Variants in MAPK10 observed in about 807,000 individuals in gnomAD.
The protein encoded by MAPK10 is JNK3 alpha protein kinase.
Under a neutral mutation model 59.3 loss-of-function variants are expected in MAPK10, and 25 were observed. The observed-to-expected ratio is 0.42, with a 90% CI of 0.31 to 0.59. The LOEUF is 0.59. MAPK10 is among the 20% of genes least tolerant of loss of function. The pLI, the probability that MAPK10 is intolerant of heterozygous loss-of-function variation, is 0.15. For synonymous variants in MAPK10, 190 were observed against 200.5 expected (o/e 0.95, Z 0.44); for missense variants, 351 against 568.9 (o/e 0.62, Z 3.90).
intron 9 of MAPK10, chr4:86,090,576 T>A (rs1200657172): frequency 6.6e-6 from 1 of 152,150 alleles, no homozygotes; most frequent in Non-Finnish European, 1.5e-5. Flanking sequence ...ATCCCTTTAT[T>A]ATTAACGTGT....
intron 2 of MAPK10, among the ~76,000 whole-genome samples, chr4:86,287,323 A>G (rs1377765360): frequency 6.6e-6 from 1 of 152,146 alleles, no homozygotes; most frequent in Non-Finnish European, 1.5e-5. Context: ...CTAAGTACAT[A>G]TTAATTATGA....
At chr4:86,232,044 T>C (rs549738584) in intron 2 of MAPK10, among the ~76,000 whole-genome samples, 2 of 152,236 alleles carry the variant, frequency 1.3e-5, no homozygotes, top group African/African-American at 4.8e-5. Flanking sequence ...AAAAGTCACA[T>C]AGTCAATATT....
upstream of MAPK10, among the ~76,000 whole-genome samples, chr4:86,360,740 C>T (rs1231892209): frequency 6.6e-6 from 1 of 151,800 alleles, no homozygotes; most frequent in African/African-American, 2.4e-5. Context: ...GGGCAAATAT[C>T]GCAATTTTAT....
At chr4:86,237,581 T>C (rs2092366059) in intron 2 of MAPK10, among the ~76,000 whole-genome samples, 2 of 152,252 alleles carry the variant, frequency 1.3e-5, no homozygotes, top group South Asian at 4.1e-4. Context: ...CATTGTGGTT[T>C]TGAAATGCAT....
chr4:86,266,339 C>A (rs2094235139), intron 2 of MAPK10, among the ~76,000 whole-genome samples: 1 of 152,154 alleles, frequency 6.6e-6, no homozygotes, highest in Admixed American at 6.5e-5. Context: ...CCTCGGCATA[C>A]AGACAGTTAT....
intron 1 of MAPK10, among the ~76,000 whole-genome samples, chr4:86,540,909 C>T (rs1165493823): frequency 6.6e-6 from 1 of 152,106 alleles, no homozygotes; most frequent in Admixed American, 6.5e-5. Context: ...TTGAGACCAG[C>T]CTGGGCAACA....
At chr4:86,344,912 CTA>C (rs1394306027) in intron 2 of MAPK10, among the ~76,000 whole-genome samples, 1 of 152,066 alleles carries the variant, frequency 6.6e-6, no homozygotes, top group African/African-American at 2.4e-5. Flanking sequence ...CTTGTGCACA[CTA>C]GTCTTTCAAT....
intron 2 of MAPK10, among the ~76,000 whole-genome samples, chr4:86,265,862 A>G (rs1482860149): frequency 6.6e-6 from 1 of 152,088 alleles, no homozygotes; most frequent in Non-Finnish European, 1.5e-5. Flanking sequence ...CATGCCACCC[A>G]TTGTTGAGTT....
At chr4:86,304,627 T>G (rs983921460) in intron 2 of MAPK10, among the ~76,000 whole-genome samples, 1 of 151,502 alleles carries the variant, frequency 6.6e-6, no homozygotes, top group Non-Finnish European at 1.5e-5. Context: ...CTCCTGACCT[T>G]GTGATCCGCC....
chr4:86,060,449 C>G (rs921960709), intron 11 of MAPK10, among the ~76,000 whole-genome samples: 1 of 152,100 alleles, frequency 6.6e-6, no homozygotes, highest in African/African-American at 2.4e-5. Context: ...TTCTTCTGTG[C>G]CCTGAGAAAT....
At chr4:86,176,408 A>G (rs2075693874) in intron 3 of MAPK10, among the ~76,000 whole-genome samples, 1 of 152,170 alleles carries the variant, frequency 6.6e-6, no homozygotes, top group Admixed American at 6.6e-5. Context: ...TAATACCTCA[A>G]CAATAATTAA....
At chr4:86,485,620 C>T (rs1033848008) in intron 1 of MAPK10, among the ~76,000 whole-genome samples, 20 of 152,140 alleles carry the variant, frequency 1.3e-4, no homozygotes, top group African/African-American at 4.8e-4. Flanking sequence ...AGAGCTTCAT[C>T]AGAGAAAGAA....
intron 1 of MAPK10, among the ~76,000 whole-genome samples, chr4:86,410,577 A>G (rs1483362872): frequency 6.6e-6 from 1 of 152,116 alleles, no homozygotes; most frequent in African/African-American, 2.4e-5. Context: ...CATCAGTTTC[A>G]GTACCTGTTA....
At chr4:86,470,101 G>A (rs1752542559) in intron 1 of MAPK10, among the ~76,000 whole-genome samples, 1 of 152,166 alleles carries the variant, frequency 6.6e-6, no homozygotes, top group African/African-American at 2.4e-5. Flanking sequence ...TCTTATTCCA[G>A]CCTCCATGAC....
At chr4:86,097,024 T>C (rs187558719) in intron 9 of MAPK10, among the ~76,000 whole-genome samples, 1 of 152,104 alleles carries the variant, frequency 6.6e-6, no homozygotes, top group Admixed American at 6.6e-5. Context: ...GTTTTAAGTT[T>C]AATGTCCACA....
intron 1 of MAPK10, among the ~76,000 whole-genome samples, chr4:86,482,091 A>G (rs1268579776): frequency 1.3e-5 from 2 of 152,172 alleles, no homozygotes; most frequent in Non-Finnish European, 1.5e-5. Flanking sequence ...CAAAAAGAGG[A>G]TACATTTTAA....
chr4:86,358,201 T>G (rs755056732), intron 1 of MAPK10: 2 of 984,176 alleles, frequency 2.0e-6, no homozygotes, highest in Non-Finnish European at 2.4e-6. Flanking sequence ...GTAACATATA[T>G]GCTCACCTAA....
At chr4:86,285,634 C>G (rs1282623919) in intron 2 of MAPK10, among the ~76,000 whole-genome samples, 3 of 152,026 alleles carry the variant, frequency 2.0e-5, no homozygotes, top group African/African-American at 7.2e-5. Context: ...TTTAAAGAAG[C>G]CTAACATCTA....
At chr4:86,541,276 G>T (rs567089088) in intron 1 of MAPK10, among the ~76,000 whole-genome samples, 74 of 152,270 alleles carry the variant, frequency 4.9e-4, no homozygotes, top group African/African-American at 1.6e-3. Context: ...AGCAGCAGCA[G>T]GAGAAGATAA....
Sources: gnomAD v4.1 joint callset for allele counts (sites outside exome capture counted in the v4.1 genomes callset) on GRCh38, gnomAD v4.1.1 for gene constraint, MANE v1.5 for transcripts, NCBI Gene and HGNC (gene_info 2026-07-23, HGNC 2026-07-21) for gene names.